TRHDE: variants seen among roughly 807,000 people sequenced by gnomAD.
The protein encoded by TRHDE is thyrotropin releasing hormone degrading enzyme.
A neutral mutation model predicts 125.7 loss-of-function variants in TRHDE; 72 were observed. That is an observed-to-expected ratio of 0.57 (90% CI 0.47 to 0.70). TRHDE has a LOEUF of 0.70. Ranked by LOEUF, TRHDE falls within the 30% of genes least tolerant of loss-of-function variation. TRHDE has a pLI of 0.00. For missense variants in TRHDE, 1,110 were observed against 1,327.1 expected, an observed-to-expected ratio of 0.84 and a Z score of 2.54; for synonymous variants, 509 against 509.1, an observed-to-expected ratio of 1.00 and a Z score of 0.00.
chr12:72,336,479 G>A (rs947101319), intron 2 of TRHDE, among the ~76,000 whole-genome samples: 3 of 152,146 alleles, frequency 2.0e-5, no homozygotes, highest in African/African-American at 7.2e-5. Flanking sequence ...ATGTCAACAT[G>A]TTGCATTTAG....
chr12:72,300,037 A>G (rs987236134), intron 2 of TRHDE, among the ~76,000 whole-genome samples: 6 of 152,144 alleles, frequency 3.9e-5, no homozygotes, highest in East Asian at 1.9e-4. Context: ...TTCTTAGAGT[A>G]AGAAACACCT....
At chr12:72,377,933 C>A in intron 2 of TRHDE, 62 bp from the exon 3 acceptor site, 1 of 1,169,088 alleles carries the variant, frequency 8.6e-7, no homozygotes, top group Non-Finnish European at 1.2e-6. Context: ...TTCATATTTG[C>A]AGGGAAGATA....
rs939370464 is a variant in TRHDE, at chr12:72,653,246, T to G, written c.2984+90T>G. 3.8e-6 allele frequency: 4 copies of G among 1,048,068 alleles called. No homozygotes were observed. The African/African-American group carries it at 6.6e-5, about 17-fold the overall frequency. The allele number at this position is 1,048,068 out of a possible 1,614,324, so 64.9% of individuals were successfully genotyped here. A position where few individuals can be genotyped will look rare whatever the true frequency, so the allele number is the denominator to read the frequency against. ...AGTTTTGTGTTAAAGCTAAGATCCATGCAATAGGTTTAGATATTAAAATAT... is the reference window on the plus strand; with the variant it reads ...AGTTTTGTGTTAAAGCTAAGATCCAGGCAATAGGTTTAGATATTAAAATAT... On this transcript the variant is annotated intron_variant, in intron 17 of 18. Transcript: ENST00000261180.
At chr12:72,647,614 C>T (rs1325111448) in intron 15 of TRHDE, among the ~76,000 whole-genome samples, 1 of 151,836 alleles carries the variant, frequency 6.6e-6, no homozygotes, top group Non-Finnish European at 1.5e-5. Context: ...ATGCCACAGA[C>T]ATAAAGAGGA....
At chr12:72,238,317 T>TACACATA (rs1348844412) in intron 2 of TRHDE, among the ~76,000 whole-genome samples, 1 of 31,540 alleles carries the variant, frequency 3.2e-5, no homozygotes, top group African/African-American at 1.1e-4. Context: ...TATATATATA[T>TACACATA]ATATACATAT....
chr12:72,371,594 A>G (rs1269689197), intron 2 of TRHDE, among the ~76,000 whole-genome samples: 2 of 148,152 alleles, frequency 1.3e-5, no homozygotes, highest in African/African-American at 5.0e-5. Flanking sequence ...TCCTGTGTCC[A>G]TGTGTTCTCA....
chr12:72,332,521 C>T (rs1046526228), intron 2 of TRHDE, among the ~76,000 whole-genome samples: 5 of 152,092 alleles, frequency 3.3e-5, no homozygotes, highest in Non-Finnish European at 4.4e-5. Context: ...GTGAGAGATC[C>T]GCCCCCATGA....
chr12:72,469,810 A>C lies in TRHDE; in HGVS notation c.1368A>C (p.Leu456=). The change falls in exon 4 of 19, where the codon CTA becomes CTC. Residue 456 remains leucine (L), a synonymous_variant. Coordinates refer to ENST00000261180, the MANE Select transcript of TRHDE (RefSeq NM_013381.3). ...ATGCTGCTATGGAGAACTGGGGACTAAGTATTTTTGTGGAACAAAGAATAC... is the reference window on the plus strand; with the variant it reads ...ATGCTGCTATGGAGAACTGGGGACTCAGTATTTTTGTGGAACAAAGAATAC... ...HPYAAMENWG[L]SIFVEQRILL... The C allele has an allele frequency of 6.2e-7, 1 of 1,614,066 alleles. No homozygotes were observed. The highest frequency in any genetic ancestry group is 1.1e-5 in the South Asian group (1 of 91,082).
At chr12:72,226,644 T>A (rs1473444477) in intron 2 of TRHDE, among the ~76,000 whole-genome samples, 1 of 152,204 alleles carries the variant, frequency 6.6e-6, no homozygotes, top group East Asian at 1.9e-4. Flanking sequence ...TAGTAGTTAT[T>A]TGACTTACTG....
chr12:72,221,148 T>A (rs1006826955), intron 2 of TRHDE, among the ~76,000 whole-genome samples: 1 of 152,044 alleles, frequency 6.6e-6, no homozygotes, highest in African/African-American at 2.4e-5. Flanking sequence ...GAGAGTTTAG[T>A]CAGGTAGTTA....
chr12:72,490,762 A>G (rs1212410986), intron 5 of TRHDE, among the ~76,000 whole-genome samples: 1 of 151,464 alleles, frequency 6.6e-6, no homozygotes, highest in East Asian at 1.9e-4. Flanking sequence ...TCTGTAAAAA[A>G]AAAAAAAAAA....
At chr12:72,591,251 T>A (rs1044070703) in intron 12 of TRHDE, among the ~76,000 whole-genome samples, 1 of 152,220 alleles carries the variant, frequency 6.6e-6, no homozygotes, top group Non-Finnish European at 1.5e-5. Flanking sequence ...AGATGAGATT[T>A]GGGTGTGGAC....
intron 3 of TRHDE, among the ~76,000 whole-genome samples, chr12:72,434,091 T>C (rs936854680): frequency 6.6e-6 from 1 of 152,070 alleles, no homozygotes; most frequent in African/African-American, 2.4e-5. Flanking sequence ...TTTTCTTAAA[T>C]AAATGTTTCT....
intron 12 of TRHDE, among the ~76,000 whole-genome samples, chr12:72,591,749 T>A (rs1176328617): frequency 5.3e-5 from 8 of 151,500 alleles, no homozygotes; most frequent in Non-Finnish European, 7.4e-5. Flanking sequence ...AAGAATTTTT[T>A]TTATTATTAT....
chr12:72,124,276 C>T (rs537623119), intron 2 of TRHDE, among the ~76,000 whole-genome samples: 1 of 152,094 alleles, frequency 6.6e-6, no homozygotes, highest in Non-Finnish European at 1.5e-5. Context: ...GTTTTCCAGG[C>T]CTTCTTCTAG....
chr12:72,443,668 A>T (rs1875132472), intron 3 of TRHDE, among the ~76,000 whole-genome samples: 1 of 151,858 alleles, frequency 6.6e-6, no homozygotes, highest in South Asian at 2.1e-4. Context: ...ATTATAATGT[A>T]TTGTGACAAT....
chr12:72,117,960 A>G (rs1875487908), intron 2 of TRHDE, among the ~76,000 whole-genome samples: 1 of 151,180 alleles, frequency 6.6e-6, no homozygotes, highest in Non-Finnish European at 1.5e-5. Context: ...TTCAGTTCTA[A>G]TGGTTTTCTT....
At chr12:72,605,617 T>C (rs942749303) in intron 12 of TRHDE, among the ~76,000 whole-genome samples, 20 of 152,254 alleles carry the variant, frequency 1.3e-4, no homozygotes, top group Non-Finnish European at 2.8e-4. Flanking sequence ...TGCAATAGCA[T>C]TGAGGGATTT....
At chr12:72,329,235 A>G (rs1057457181) in intron 2 of TRHDE, among the ~76,000 whole-genome samples, 3 of 152,238 alleles carry the variant, frequency 2.0e-5, no homozygotes. Flanking sequence ...CTAGAGGCAC[A>G]TTCTTACTTT....
Sources: gnomAD v4.1 joint callset for allele counts (sites outside exome capture counted in the v4.1 genomes callset) on GRCh38, gnomAD v4.1.1 for gene constraint, MANE v1.5 for transcripts, NCBI Gene and HGNC (gene_info 2026-07-23, HGNC 2026-07-21) for gene names.